PYROXD1: variants seen among roughly 807,000 people sequenced by gnomAD.
PYROXD1 encodes pyridine nucleotide-disulphide oxidoreductase domain 1, also known as tRNA ligase complex-associated NAD(P)H dehydrogenase PYROXD1.
Under a neutral mutation model 62.0 loss-of-function variants are expected in PYROXD1, and 42 were observed. That is an observed-to-expected ratio of 0.68 (90% confidence interval 0.53 to 0.88). PYROXD1 has a LOEUF of 0.88. Among genes scored for constraint, PYROXD1 ranks in the 40% least tolerant of loss-of-function variants. PYROXD1 has a pLI of 0.00. For missense variants in PYROXD1, 493 were observed against 604.8 expected (o/e 0.82, Z 1.94); for synonymous variants, 170 against 206.4 (o/e 0.82, Z 1.51).
chr12:21,452,179 T>TAA, intron 5 of PYROXD1, 25 bp downstream of exon 5: 1 of 1,360,714 alleles, frequency 7.3e-7, no homozygotes, highest in Non-Finnish European at 9.9e-7. Flanking sequence ...TTAAATATGA[T>TAA]AACATTTAAA....
intron 4 of PYROXD1, among the ~76,000 whole-genome samples, chr12:21,450,378 G>A (rs1260789983): frequency 6.6e-6 from 1 of 152,084 alleles, no homozygotes; most frequent in Non-Finnish European, 1.5e-5. Context: ...TATTCAAAAT[G>A]TACTGATCTT....
At chr12:21,464,997 A>G (rs1014182681) in intron 10 of PYROXD1, among the ~76,000 whole-genome samples, 1 of 152,076 alleles carries the variant, frequency 6.6e-6, no homozygotes, top group Admixed American at 6.5e-5. Context: ...AAGGACATGA[A>G]CTCATCATTT....
At position 21,461,128 on chromosome 12, in the gene PYROXD1, A is replaced by G. The variant is rs1942690844; in HGVS notation, c.854A>G (p.Asp285Gly). Residue 285 changes from aspartate (D) to glycine (G), a missense_variant, in exon 8 of 12, where the codon GAC becomes GGC. Coordinates refer to ENST00000240651, the MANE Select transcript of PYROXD1 (RefSeq NM_024854.5). ...LKKKSFTFPR[D>G]HKSVTADTEM... ...AAAAAGTCCTTCACTTTTCCAAGAG[A>G]CCATAAGTCAGTTACAGCTGATACA... 1 of 1,580,504 alleles carries G rather than the reference A, an allele frequency of 6.3e-7. No individual in the cohort carries two copies. Among genetic ancestry groups the G allele is most frequent in the African/African-American group, 1.4e-5 (1 of 73,594 alleles).
chr12:21,456,966 T>A (rs1293591083), intron 7 of PYROXD1: 7 of 433,926 alleles, frequency 1.6e-5, no homozygotes, highest in Non-Finnish European at 2.7e-5. Context: ...AATTTTATCA[T>A]GAGATTGCAG....
At chr12:21,451,987 A>T in intron 4 of PYROXD1, 94 bp from the exon 5 acceptor site, 2 of 761,872 alleles carry the variant, frequency 2.6e-6, no homozygotes, top group Non-Finnish European at 4.2e-6. Context: ...ATTCAATAAA[A>T]TATTTACATT....
rs1404190173 is a variant in PYROXD1, at chr12:21,448,283, G to A, written c.286-1280G>A. On this transcript the variant is annotated intron_variant, in intron 3 of 11. Transcript: ENST00000240651. ...AACTTCAGTAGTTTCCTAGTGAGGC[G>A]AGGACGCAGAGTGTGTGGCTCACTT... The A allele has an allele frequency of 1.7e-5, 6 of 358,144 alleles. No homozygotes were observed. The East Asian group carries it at 2.2e-4, about 13-fold the overall frequency. 22.2% of individuals were successfully genotyped at this position (358,144 alleles called of 1,614,324 possible). A position where few individuals can be genotyped will look rare whatever the true frequency, so the allele number is the denominator to read the frequency against.
In PYROXD1 at chr12:21,467,647, C is replaced by G. The variant is rs748302569; in HGVS notation, c.1254+29C>G. 5 of 1,540,660 alleles carry G rather than the reference C, an allele frequency of 3.2e-6. No individual in the cohort carries two copies. In the African/African-American group the frequency reaches 5.5e-5, roughly 17 times the overall value. ...AGATAGTTAAGCATATTAATGCCTT[C>G]TCTGCTTGTTAGTCTTATGACTATG... On this transcript the variant is annotated intron_variant, in intron 11 of 11. Coordinates refer to ENST00000240651, the MANE Select transcript of PYROXD1 (RefSeq NM_024854.5).
intron 10 of PYROXD1, chr12:21,467,260 G>A: frequency 2.4e-6 from 1 of 425,134 alleles, no homozygotes; most frequent in Non-Finnish European, 4.2e-6. Flanking sequence ...TAAAACAGGT[G>A]TGATTGGTAT....
At chr12:21,445,915 G>T (rs1942378108) in intron 3 of PYROXD1, among the ~76,000 whole-genome samples, 1 of 152,040 alleles carries the variant, frequency 6.6e-6, no homozygotes, top group South Asian at 2.1e-4. Context: ...AAATGAGGGG[G>T]GTATTAACAG....
At chr12:21,453,631 C>G (rs73248054) in intron 5 of PYROXD1, among the ~76,000 whole-genome samples, 2,062 of 152,086 alleles carry the variant, frequency 0.014, 39 homozygotes, top group African/African-American at 0.047. Context: ...GCAGTATTTC[C>G]CCTCTGTGTG....
intron 2 of PYROXD1, among the ~76,000 whole-genome samples, chr12:21,442,992 T>G (rs1218706566): frequency 6.6e-6 from 1 of 152,214 alleles, no homozygotes; most frequent in East Asian, 1.9e-4. Flanking sequence ...TGGGCTATTT[T>G]GGCTTGTGAA....
chr12:21,460,871 A>G (rs551105344), intron 7 of PYROXD1, 154 bp from the exon 8 acceptor site: 68 of 437,570 alleles, frequency 1.6e-4, no homozygotes, highest in African/African-American at 1.4e-3. Context: ...GTGCATAGAG[A>G]GACTTATTTT....
intron 5 of PYROXD1, among the ~76,000 whole-genome samples, chr12:21,454,148 G>A (rs545050041): frequency 5.3e-5 from 8 of 151,854 alleles, no homozygotes; most frequent in African/African-American, 9.6e-5. Flanking sequence ...ACCTTTTTTC[G>A]TAATCTGTTT....
intron 2 of PYROXD1, among the ~76,000 whole-genome samples, chr12:21,443,886 A>C (rs1476491601): frequency 6.6e-6 from 1 of 152,198 alleles, no homozygotes; most frequent in African/African-American, 2.4e-5. Context: ...CCAAAGAGTT[A>C]TGGAGTTTGG....
Position 21,455,190 on chromosome 12 carries a change from A to G in PYROXD1, c.547A>G (p.Thr183Ala). 6.4e-7 allele frequency: 1 copy of G among 1,571,040 alleles called. No individual in the cohort carries two copies. The highest frequency in any genetic ancestry group is 8.6e-7 in the Non-Finnish European group (1 of 1,158,258). Residue 183 changes from threonine to alanine, a missense_variant, in exon 6 of 12, where the codon ACT becomes GCT. Thr to Ala is a moderately conservative substitution (Grantham distance 58). Transcript: ENST00000240651. ...WAIKDKAIGN[T>A]FFDAGAAEFL... ...CATTAAAGATAAAGCTATAGGGAAT[A>G]CTTTCTTCGATGCAGGAGCAGCTGA...
Position 21,468,719 on chromosome 12 carries a change from G to C in PYROXD1, c.1468G>C (p.Asp490His), listed in dbSNP as rs1416904211. Reference protein sequence around the residue: ...NLSSYGEDLLDPNIDIEDYFD With the variant: ...NLSSYGEDLLHPNIDIEDYFD The stretch of plus-strand genomic sequence containing the variant: ...TTCATCATATGGAGAAGATCTGCTA[G>C]ATCCAAATATTGATATAGAAGATTA... The change falls in exon 12 of 12, where the codon GAT becomes CAT. Residue 490 changes from aspartate (D) to histidine (H), a missense_variant. Physicochemically the swap from Asp to His is moderately conservative, Grantham distance 81. Coordinates refer to ENST00000240651, the MANE Select transcript of PYROXD1 (RefSeq NM_024854.5). 1 of 1,609,006 alleles carries C rather than the reference G, an allele frequency of 6.2e-7. No individual in the cohort carries two copies. Among genetic ancestry groups the C allele is most frequent in the Non-Finnish European group, 8.5e-7 (1 of 1,176,874 alleles).
Position 21,468,787 on chromosome 12 carries a change from C to G in PYROXD1, c.*33C>G. The stretch of plus-strand genomic sequence containing the variant: ...ATTTCTTCAGGAATCATATAAAGTT[C>G]CAAATGACACCAGAAAAATCACAAG... On this transcript the variant is annotated 3_prime_UTR_variant, in exon 12 of 12. Coordinates refer to ENST00000240651, the MANE Select transcript of PYROXD1 (RefSeq NM_024854.5). The G allele has an allele frequency of 6.4e-7, 1 of 1,569,884 alleles. No homozygotes were observed. Among genetic ancestry groups the G allele is most frequent in the Non-Finnish European group, 8.7e-7 (1 of 1,152,956 alleles).
At chr12:21,438,647 A>C (rs988265261) in intron 1 of PYROXD1, 3 of 152,232 alleles carry the variant, frequency 2.0e-5, no homozygotes, top group African/African-American at 7.2e-5. Context: ...TGCTTTCTTG[A>C]TTATACTGAA....
At chr12:21,457,782 G>A (rs1389555388) in intron 7 of PYROXD1, among the ~76,000 whole-genome samples, 2 of 72,642 alleles carry the variant, frequency 2.8e-5, no homozygotes, top group Non-Finnish European at 6.0e-5. Context: ...ACTAAGGATG[G>A]TGCTAAACTA....
Sources: allele counts gnomAD v4.1 joint callset (sites outside exome capture counted in the v4.1 genomes callset), GRCh38; gene constraint gnomAD v4.1.1; transcripts MANE v1.5; gene names NCBI Gene and HGNC (gene_info 2026-07-23, HGNC 2026-07-21).